Variants in NTM observed in about 807,000 individuals in gnomAD.
NTM encodes the protein IgLON family member 2.
Under a neutral mutation model 42.1 loss-of-function variants are expected in NTM, and 13 were observed. That is an observed-to-expected ratio of 0.31 (90% confidence interval 0.20 to 0.49). The LOEUF (loss-of-function observed/expected upper bound fraction) is 0.49. Among genes scored for constraint, NTM ranks in the 20% least tolerant of loss-of-function variants. The pLI is 0.99. For missense variants in NTM, 373 were observed against 452.8 expected, an observed-to-expected ratio of 0.82 and a Z score of 1.60; for synonymous variants, 187 against 179.2, an observed-to-expected ratio of 1.04 and a Z score of -0.35.
chr11:132,314,978 G>T (rs1307917299), intron 7 of NTM: 1 of 1,185,544 alleles, frequency 8.4e-7, no homozygotes, highest in Non-Finnish European at 1.0e-6. Flanking sequence ...GATCTCAGAA[G>T]TGGGAAAAGG....
chr11:132,170,544 C>T (rs2075974339), intron 3 of NTM, among the ~76,000 whole-genome samples: 1 of 152,172 alleles, frequency 6.6e-6, no homozygotes, highest in South Asian at 2.1e-4. Flanking sequence ...AAGTCCTTGG[C>T]ATTTAATTAA....
In NTM at chr11:131,716,095, C is replaced by A. The variant is rs2077664584; in HGVS notation, c.83-195469C>A. On this transcript the variant is annotated intron_variant, in intron 1 of 8. Transcript: ENST00000683400. ...AAGAAGTCCAAGATCAAGACACCAG[C>A]CAATTCACTTACGGTGAGGACCCAC... Among the ~76,000 whole-genome samples, 4 of 152,184 alleles carry A rather than the reference C, an allele frequency of 2.6e-5. 1 individual carries two copies. The South Asian group carries it at 8.3e-4, about 32-fold the overall frequency.
chr11:131,432,417 A>G (rs2135918908), intron 1 of NTM, among the ~76,000 whole-genome samples: 1 of 152,294 alleles, frequency 6.6e-6, no homozygotes, highest in African/African-American at 2.4e-5. Flanking sequence ...GATCTTCTTT[A>G]CATTGGAGGA....
chr11:131,956,041 A>G (rs1219691157), intron 2 of NTM, among the ~76,000 whole-genome samples: 1 of 152,166 alleles, frequency 6.6e-6, no homozygotes, highest in Non-Finnish European at 1.5e-5. Flanking sequence ...CCAGGCAGGG[A>G]AGCCAGTGTC....
At chr11:132,326,600 C>T (rs2095688599) in intron 7 of NTM, among the ~76,000 whole-genome samples, 1 of 152,220 alleles carries the variant, frequency 6.6e-6, no homozygotes, top group South Asian at 2.1e-4. Flanking sequence ...TTCGGATGTG[C>T]TCAGCCCCTC....
intron 1 of NTM, among the ~76,000 whole-genome samples, chr11:131,708,114 C>G (rs2076766932): frequency 6.6e-6 from 1 of 152,000 alleles, no homozygotes; most frequent in African/African-American, 2.4e-5. Context: ...TGAGAACTAA[C>G]AGTAAGCTAT....
intron 2 of NTM, among the ~76,000 whole-genome samples, chr11:132,035,717 T>C (rs776336238): frequency 3.5e-4 from 54 of 152,198 alleles, no homozygotes; most frequent in African/African-American, 1.1e-3. Context: ...GTGAGCCCCA[T>C]TGCTTTCATC....
chr11:131,773,657 C>A (rs764102556), intron 1 of NTM, among the ~76,000 whole-genome samples: 1 of 152,184 alleles, frequency 6.6e-6, no homozygotes, highest in Admixed American at 6.5e-5. Flanking sequence ...TTTGCCATAT[C>A]TTTTAACATT....
chr11:131,753,077 A>G (rs1352154488), intron 1 of NTM, among the ~76,000 whole-genome samples: 1 of 152,060 alleles, frequency 6.6e-6, no homozygotes, highest in African/African-American at 2.4e-5. Context: ...AAAAGTGGGC[A>G]AAGGACATGA....
At chr11:132,234,171 C>T (rs963149993) in intron 4 of NTM, among the ~76,000 whole-genome samples, 1 of 152,166 alleles carries the variant, frequency 6.6e-6, no homozygotes, top group Non-Finnish European at 1.5e-5. Flanking sequence ...TGGTTATGCT[C>T]ACTGGTCTGC....
intron 1 of NTM, among the ~76,000 whole-genome samples, chr11:131,547,890 A>G (rs1041479475): frequency 2.0e-5 from 3 of 152,164 alleles, no homozygotes; most frequent in African/African-American, 4.8e-5. Flanking sequence ...CTCAAACCTC[A>G]TAGCACAGTG....
chr11:131,458,209 G>A (rs1055536113), intron 1 of NTM, among the ~76,000 whole-genome samples: 2 of 152,202 alleles, frequency 1.3e-5, no homozygotes, highest in Non-Finnish European at 2.9e-5. Flanking sequence ...GTTTACAGGT[G>A]CCTTATGCAG....
chr11:131,554,545 CAA>C (rs1178033877), intron 1 of NTM, among the ~76,000 whole-genome samples: 6,737 of 106,884 alleles, frequency 0.063, 523 homozygotes, highest in African/African-American at 0.18. Flanking sequence ...CACACATCTA[CAA>C]AAAAAAAAAA....
chr11:131,804,890 C>T (rs1407547413), intron 1 of NTM, among the ~76,000 whole-genome samples: 1 of 152,046 alleles, frequency 6.6e-6, no homozygotes, highest in Non-Finnish European at 1.5e-5. Flanking sequence ...CTTTTTCGCC[C>T]CTTCTGACCT....
intron 1 of NTM, among the ~76,000 whole-genome samples, chr11:131,793,565 T>C (rs2091212623): frequency 6.6e-6 from 1 of 152,224 alleles, no homozygotes; most frequent in South Asian, 2.1e-4. Flanking sequence ...AGCACCTATG[T>C]GTTTCCATCC....
chr11:131,632,127 C>A (rs953194069), intron 1 of NTM, among the ~76,000 whole-genome samples: 2 of 152,132 alleles, frequency 1.3e-5, no homozygotes, highest in African/African-American at 4.8e-5. Context: ...GTATTATGTA[C>A]TTGAATATTT....
At chr11:132,195,723 A>T (rs2080099556) in intron 3 of NTM, among the ~76,000 whole-genome samples, 1 of 152,238 alleles carries the variant, frequency 6.6e-6, no homozygotes, top group South Asian at 2.1e-4. Flanking sequence ...TCCCTATTCA[A>T]TAGATGGTGC....
chr11:131,926,310 CAAAT>C (rs1366927441), intron 2 of NTM, among the ~76,000 whole-genome samples: 3 of 152,008 alleles, frequency 2.0e-5, no homozygotes, highest in Non-Finnish European at 2.9e-5. Context: ...TGTCGGAAAA[CAAAT>C]AAGTAAACAA....
chr11:131,943,913 T>G (rs959120105), intron 2 of NTM, among the ~76,000 whole-genome samples: 1 of 71,560 alleles, frequency 1.4e-5, no homozygotes. Flanking sequence ...ACTCACATTT[T>G]TCTAAAAGGA....
Sources: allele counts gnomAD v4.1 joint callset (sites outside exome capture counted in the v4.1 genomes callset), GRCh38; gene constraint gnomAD v4.1.1; transcripts MANE v1.5; gene names NCBI Gene and HGNC (gene_info 2026-07-23, HGNC 2026-07-21).